The following RTEL1 variants were observed in gnomAD, a reference collection of about 807,000 sequenced individuals.
The protein encoded by RTEL1 is regulator of telomere length.
In RTEL1, 86 loss-of-function variants were observed where a neutral mutation model predicts 162.2. The ratio of observed to expected loss-of-function variants is 0.53; its 90% CI spans 0.45 to 0.63. The LOEUF is 0.63. Among genes scored for constraint, RTEL1 ranks in the 30% least tolerant of loss-of-function variants. The probability of loss-of-function intolerance (pLI) is 0.00; values close to 1 mark genes in which losing one functional copy is unlikely to be tolerated. For missense variants in RTEL1, 1,941 were observed against 1,750.2 expected, an observed-to-expected ratio of 1.11 and a Z score of -1.95; for synonymous variants, 958 against 717.9, an observed-to-expected ratio of 1.33 and a Z score of -5.35.
At chr20:63,677,380 C>T (rs1298967299) in intron 10 of RTEL1, among the ~76,000 whole-genome samples, 1 of 152,150 alleles carries the variant, frequency 6.6e-6, no homozygotes, top group Non-Finnish European at 1.5e-5. Flanking sequence ...TTTGGGAGAC[C>T]AAGACTGGTG....
intron 10 of RTEL1, among the ~76,000 whole-genome samples, chr20:63,676,897 T>TACA: frequency 8.1e-6 from 1 of 122,720 alleles, no homozygotes; most frequent in Non-Finnish European, 1.7e-5. Context: ...ATCGCACCAT[T>TACA]GCACTCCAGC....
chr20:63,693,360 G>A (rs922572972), intron 30 of RTEL1, 77 bp downstream of exon 30: 33 of 1,571,542 alleles, frequency 2.1e-5, no homozygotes, highest in South Asian at 8.9e-5. Flanking sequence ...GCTGCTTGGG[G>A]TGGGCATCCT....
At position 63,691,799 on chromosome 20, in the gene RTEL1, CGAG is replaced by C. The variant is rs1568715177; in HGVS notation, c.2619_2621del (p.Gly874del). 6.2e-7 allele frequency: 1 copy of C among 1,612,326 alleles called. No individual in the cohort carries two copies. Among genetic ancestry groups the C allele is most frequent in the Non-Finnish European group, 8.5e-7 (1 of 1,179,816 alleles). On this transcript the variant is annotated inframe_deletion, in exon 28 of 35. Transcript: ENST00000360203. ...TGAGAAGAGGCCGGCAGAAGAACCGCGAGGAGGGAGGAAGAAGATCCGGCTGGT... is the reference window on the plus strand; with the variant it reads ...TGAGAAGAGGCCGGCAGAAGAACCGCGAGGGAGGAAGAAGATCCGGCTGGT...
rs762872907 is a variant in RTEL1 at position 63,694,941 on chromosome 20, A to C, written c.3310A>C (p.Thr1104Pro). The C allele has an allele frequency of 6.2e-7, 1 of 1,612,490 alleles. No homozygotes were observed. The highest frequency in any genetic ancestry group is 1.1e-5 in the South Asian group (1 of 91,080). ...KVLAVLAALT[T>P]AKPEDFPLLH... ...GCTGGCTGTGTTGGCCGCCCTGACC[A>C]CTGCAAAGCCAGAGGACTTCCCCCT... The change falls in exon 32 of 35, where the codon ACT becomes CCT. Residue 1104 changes from threonine to proline, a missense_variant. Coordinates refer to ENST00000360203, the MANE Select transcript of RTEL1 (RefSeq NM_001283009.2).
chr20:63,684,158 T>A (rs2090540005), intron 14 of RTEL1, among the ~76,000 whole-genome samples: 1 of 152,172 alleles, frequency 6.6e-6, no homozygotes, highest in Non-Finnish European at 1.5e-5. Context: ...TGGGCCTCCA[T>A]GCCTTCTGAC....
intron 16 of RTEL1, chr20:63,687,436 C>T (rs2090621449): frequency 1.7e-6 from 1 of 592,904 alleles, no homozygotes; most frequent in African/African-American, 1.9e-5. Context: ...ACCCCCTGTC[C>T]CCCAGAGGGG....
At chr20:63,681,994 T>C (rs1210504155) in intron 14 of RTEL1, 2 of 985,306 alleles carry the variant, frequency 2.0e-6, no homozygotes, top group Non-Finnish European at 2.4e-6. Flanking sequence ...CCTGCTTCCA[T>C]GTCCCTGATG....
At chr20:63,683,172 C>A (rs2090512459) in intron 14 of RTEL1, among the ~76,000 whole-genome samples, 1 of 152,170 alleles carries the variant, frequency 6.6e-6, no homozygotes, top group African/African-American at 2.4e-5. Flanking sequence ...TGCCATGTTT[C>A]CCAGGCTGGT....
At chr20:63,688,784 C>CTG in intron 21 of RTEL1, 179 bp downstream of exon 21, 1 of 652,244 alleles carries the variant, frequency 1.5e-6, no homozygotes, top group Non-Finnish European at 2.6e-6. Context: ...ACAAAGCCCC[C>CTG]AGCACCGGGT....
At chr20:63,684,567 A>G (rs1261246557) in intron 14 of RTEL1, among the ~76,000 whole-genome samples, 1 of 151,832 alleles carries the variant, frequency 6.6e-6, no homozygotes, top group African/African-American at 2.4e-5. Context: ...GTTAGCCAGG[A>G]TGGTCTCGAT....
At position 63,689,954 on chromosome 20, in the gene RTEL1, C is replaced by T. The variant is rs903828224; in HGVS notation, c.2141+89C>T. On this transcript the variant is annotated intron_variant, in intron 24 of 34. Coordinates refer to ENST00000360203, the MANE Select transcript of RTEL1 (RefSeq NM_001283009.2). ...GACTCTCCTTCCCCACATGAGGCCC[C>T]GTCTCCTCCAGAGCCTCTCCGGCTA... 147 of 1,549,234 alleles carry T rather than the reference C, an allele frequency of 9.5e-5. 1 individual carries two copies. The highest frequency in any genetic ancestry group is 1.2e-4 in the Non-Finnish European group (133 of 1,140,488).
At chr20:63,691,884 T>C in intron 28 of RTEL1, 47 bp downstream of exon 28, 1 of 1,526,916 alleles carries the variant, frequency 6.5e-7, no homozygotes, top group African/African-American at 1.4e-5. Context: ...TAGACACGCA[T>C]GGGAACGCAG....
At chr20:63,660,208 A>C (rs961009218) in intron 2 of RTEL1, among the ~76,000 whole-genome samples, 1 of 152,236 alleles carries the variant, frequency 6.6e-6, no homozygotes, top group Non-Finnish European at 1.5e-5. Flanking sequence ...GCCTTCCTCT[A>C]TCTCGACTGC....
chr20:63,666,744 C>A (rs1441099773), intron 7 of RTEL1, among the ~76,000 whole-genome samples: 1 of 151,940 alleles, frequency 6.6e-6, no homozygotes, highest in Admixed American at 6.6e-5. Flanking sequence ...CTCTGTTGCT[C>A]AGGCCAGTCT....
chr20:63,695,134 C>T lies in RTEL1; in HGVS notation c.3412C>T (p.Arg1138Trp), dbSNP rs6062495. The change falls in exon 33 of 35, where the codon CGG becomes TGG. Residue 1138 changes from arginine (R) to tryptophan (W), a missense_variant. By Grantham distance (101) the Arg-to-Trp change is moderately radical. Transcript: ENST00000360203. ...FSQTCTDLTG[R>W]PYPGMEPPGP... is the part of the protein sequence containing the mutation. ...ACAGACGTGCACAGACCTGACCGGC[C>T]GGCCCTACCCGGGCATGGAGCCACC... 99 of 1,612,404 alleles carry T rather than the reference C, an allele frequency of 6.1e-5. No homozygotes were observed. The African/African-American group carries it at 9.1e-4, about 15-fold the overall frequency.
Position 63,695,645 on chromosome 20 carries a change from C to A in RTEL1, c.3817C>A (p.Leu1273Ile). ...QRCQACWQRH[L>I]QASRMCPACH... is the part of the protein sequence containing the mutation. Reference sequence around the variant, plus strand: ...CTGCCAAGCCTGCTGGCAACGGCACCTTCAGGTTGGTGCCTGGCCACTACA... The same window carrying A: ...CTGCCAAGCCTGCTGGCAACGGCACATTCAGGTTGGTGCCTGGCCACTACA... The change falls in exon 34 of 35, where the codon CTT becomes ATT. Residue 1273 changes from leucine (L) to isoleucine (I), a missense_variant. Coordinates refer to ENST00000360203, the MANE Select transcript of RTEL1 (RefSeq NM_001283009.2). The A allele has an allele frequency of 6.2e-7, 1 of 1,611,338 alleles. No homozygotes were observed. The highest frequency in any genetic ancestry group is 8.5e-7 in the Non-Finnish European group (1 of 1,179,860).
intron 10 of RTEL1, among the ~76,000 whole-genome samples, chr20:63,676,778 CAA>C (rs963306454): frequency 6.6e-6 from 1 of 152,098 alleles, no homozygotes; most frequent in Non-Finnish European, 1.5e-5. Context: ...ACTAAAAATA[CAA>C]AAAAATTAGC....
chr20:63,689,014 G>A (rs374102042), intron 21 of RTEL1, 41 bp from the exon 22 acceptor site: 6 of 1,556,416 alleles, frequency 3.9e-6, no homozygotes, highest in Middle Eastern at 1.7e-4. Context: ...GAAGGGGCTG[G>A]GGGGGGGCTC....
In RTEL1 at chr20:63,677,008, T is replaced by A. The variant is rs557949050; in HGVS notation, c.920-1137T>A. Among the ~76,000 whole-genome samples the A allele has an allele frequency of 4.7e-4, 71 of 152,314 alleles. No individual in the cohort carries two copies. In the South Asian group the frequency reaches 0.014, roughly 30 times the overall value. On this transcript the variant is annotated intron_variant, in intron 10 of 34. Coordinates refer to ENST00000360203, the MANE Select transcript of RTEL1 (RefSeq NM_001283009.2). Reference sequence around the variant, plus strand: ...CGTGGGGATTGGTCCTGCCCCATGCTCCCTCCTGAATCTCACTCCTGACCT... The same window carrying A: ...CGTGGGGATTGGTCCTGCCCCATGCACCCTCCTGAATCTCACTCCTGACCT...
Sources: allele counts gnomAD v4.1 joint callset (sites outside exome capture counted in the v4.1 genomes callset), GRCh38; gene constraint gnomAD v4.1.1; transcripts MANE v1.5; gene names NCBI Gene and HGNC (gene_info 2026-07-23, HGNC 2026-07-21).